The following SGCG variants were observed in gnomAD, a reference collection of about 807,000 sequenced individuals.
The protein encoded by SGCG is sarcoglycan gamma.
In SGCG, 26 loss-of-function variants were observed where a neutral mutation model predicts 29.3. The observed-to-expected ratio is 0.89, with a 90% CI of 0.65 to 1.23. The LOEUF (loss-of-function observed/expected upper bound fraction) is 1.23. Ranked by LOEUF, SGCG falls within the 50% of genes most tolerant of loss-of-function variation. The pLI, the probability that SGCG is intolerant of heterozygous loss-of-function variation, is 0.00. For missense variants in SGCG, 353 were observed against 356.0 expected (o/e 0.99, Z 0.07); for synonymous variants, 145 against 129.7 (o/e 1.12, Z -0.80).
intron 4 of SGCG, among the ~76,000 whole-genome samples, chr13:23,259,941 G>T (rs1296783831): frequency 2.6e-5 from 4 of 152,138 alleles, no homozygotes; most frequent in Non-Finnish European, 5.9e-5. Context: ...TTTTACATTT[G>T]CTGAGGAGAG....
intron 1 of SGCG, among the ~76,000 whole-genome samples, chr13:23,198,311 C>T (rs1040766438): frequency 1.3e-5 from 2 of 152,122 alleles, no homozygotes; most frequent in African/African-American, 4.8e-5. Context: ...TGAAGAATAT[C>T]ATGAAGACAC....
chr13:23,306,668 C>T (rs779000312), intron 6 of SGCG, among the ~76,000 whole-genome samples: 3 of 152,152 alleles, frequency 2.0e-5, no homozygotes, highest in Non-Finnish European at 2.9e-5. Context: ...TATCTTAAGT[C>T]TTCTTAACTT....
At chr13:23,179,137 T>C (rs1876650405), upstream of SGCG, among the ~76,000 whole-genome samples, 1 of 152,254 alleles carries the variant, frequency 6.6e-6, no homozygotes, top group African/African-American at 2.4e-5. Flanking sequence ...TAGATTTCTT[T>C]AAGGTCTCTT....
At chr13:23,297,908 C>G (rs1165668412) in intron 6 of SGCG, among the ~76,000 whole-genome samples, 1 of 151,904 alleles carries the variant, frequency 6.6e-6, no homozygotes, top group African/African-American at 2.4e-5. Flanking sequence ...CCACACCTGG[C>G]TAATTTTTGT....
At chr13:23,181,320 C>T (rs1876727491) in intron 1 of SGCG, among the ~76,000 whole-genome samples, 1 of 152,112 alleles carries the variant, frequency 6.6e-6, no homozygotes, top group African/African-American at 2.4e-5. Context: ...ATATTTCTAA[C>T]ATTTTTAATT....
At chr13:23,168,549 G>T in the SGCG span, among the ~76,000 whole-genome samples, 1 of 152,184 alleles carries the variant, frequency 6.6e-6, no homozygotes, top group African/African-American at 2.4e-5. Context: ...AGTACATAAC[G>T]CAGCTTCTCA....
chr13:23,263,941 C>G (rs1330117192), intron 4 of SGCG, among the ~76,000 whole-genome samples: 3 of 151,934 alleles, frequency 2.0e-5, no homozygotes, highest in Admixed American at 2.0e-4. Context: ...ATAATAGAAG[C>G]CATATATGAC....
At chr13:23,221,616 G>T (rs1878659844) in intron 2 of SGCG, among the ~76,000 whole-genome samples, 1 of 152,208 alleles carries the variant, frequency 6.6e-6, no homozygotes, top group African/African-American at 2.4e-5. Context: ...TTGTGGAATA[G>T]AAGTTTACAT....
chr13:23,279,508 T>G (rs769092450), intron 5 of SGCG, 30 bp downstream of exon 5: 3 of 1,603,720 alleles, frequency 1.9e-6, no homozygotes, highest in Admixed American at 3.3e-5. Context: ...AAACACAACA[T>G]TCCATGGAGT....
chr13:23,203,871 A>G lies in SGCG; in HGVS notation c.177A>G (p.Lys59=). ...TAGCTCTTACAATTTGGATTCTTAA[A>G]GTGATGTGGTTTTCTCCAGTAAGTA... The part of the protein sequence containing the change: ...VNLALTIWIL[K]VMWFSPAGMG... Residue 59 remains lysine, a synonymous_variant, in exon 2 of 8, where the codon AAA becomes AAG. Transcript: ENST00000218867. 1 of 1,611,964 alleles carries G rather than the reference A, an allele frequency of 6.2e-7. No individual in the cohort carries two copies.
chr13:23,198,749 G>C (rs1174644191), intron 1 of SGCG, among the ~76,000 whole-genome samples: 1 of 151,710 alleles, frequency 6.6e-6, no homozygotes, highest in Non-Finnish European at 1.5e-5. Flanking sequence ...AGGAGGCTGA[G>C]GCAGGAGAAT....
At chr13:23,277,163 A>G (rs1037305047) in intron 4 of SGCG, among the ~76,000 whole-genome samples, 9 of 152,192 alleles carry the variant, frequency 5.9e-5, no homozygotes, top group African/African-American at 2.2e-4. Flanking sequence ...AACCCCTTAT[A>G]CTTAATAAGG....
chr13:23,248,372 T>C (rs1240402993), intron 3 of SGCG, among the ~76,000 whole-genome samples: 1 of 152,128 alleles, frequency 6.6e-6, no homozygotes, highest in East Asian at 1.9e-4. Flanking sequence ...GCATTGTAGT[T>C]CTGAGTGTAG....
At chr13:23,284,263 T>G (rs1046125778) in intron 5 of SGCG, among the ~76,000 whole-genome samples, 1 of 152,222 alleles carries the variant, frequency 6.6e-6, no homozygotes, top group East Asian at 1.9e-4. Context: ...AAGTTTGGTC[T>G]TTTCACATAG....
At chr13:23,246,899 G>T in intron 3 of SGCG, 1 of 156,538 alleles carries the variant, frequency 6.4e-6, no homozygotes, top group East Asian at 1.8e-4. Flanking sequence ...TCGAGCCCCT[G>T]TTGAGCCACT....
intron 6 of SGCG, among the ~76,000 whole-genome samples, chr13:23,313,157 T>TTTC (rs1426380159): frequency 2.2e-5 from 3 of 134,212 alleles, no homozygotes; most frequent in Non-Finnish European, 4.7e-5. Flanking sequence ...TTCAGTAAGT[T>TTTC]TTCTTCTTCT....
chr13:23,319,417 G>A (rs1027130869), intron 6 of SGCG, among the ~76,000 whole-genome samples: 21 of 152,058 alleles, frequency 1.4e-4, no homozygotes, highest in African/African-American at 1.9e-4. Flanking sequence ...GTCTCTAAGC[G>A]TTTTCTCATA....
At chr13:23,206,631 GAT>G (rs1325134593) in intron 2 of SGCG, among the ~76,000 whole-genome samples, 2 of 152,136 alleles carry the variant, frequency 1.3e-5, no homozygotes, top group Non-Finnish European at 2.9e-5. Flanking sequence ...TGAAAGTGCA[GAT>G]ATCTCTTCCA....
Position 23,181,087 on chromosome 13 carries a change from GTTT to G in SGCG, c.-1+14_-1+16del, listed in dbSNP as rs1876718297. The G allele has an allele frequency of 6.6e-6, 1 of 152,152 alleles. No homozygotes were observed. Among genetic ancestry groups the G allele is most frequent in the Non-Finnish European group, 1.5e-5 (1 of 68,018 alleles). 9.4% of individuals were successfully genotyped at this position (152,152 alleles called of 1,614,324 possible). A position where few individuals can be genotyped will look rare whatever the true frequency, so the allele number is the denominator to read the frequency against. ...TCTTAATATCTAAGGTAAGTGCTCA[GTTT>G]TAACTTAGATTTTATATCAGTACAA... On this transcript the variant is annotated intron_variant, in intron 1 of 7. Coordinates refer to ENST00000218867, the MANE Select transcript of SGCG (RefSeq NM_000231.3).
Sources: allele counts gnomAD v4.1 joint callset (sites outside exome capture counted in the v4.1 genomes callset), GRCh38; gene constraint gnomAD v4.1.1; transcripts MANE v1.5; gene names NCBI Gene and HGNC (gene_info 2026-07-23, HGNC 2026-07-21).